MSRA: variants seen among roughly 807,000 people sequenced by gnomAD.
The protein encoded by MSRA is mitochondrial peptide methionine sulfoxide reductase.
Under a neutral mutation model 31.3 loss-of-function variants are expected in MSRA, and 54 were observed. The ratio of observed to expected loss-of-function variants is 1.73; its 90% CI spans 1.39 to 2.17. The LOEUF is 2.17. MSRA is among the 30% of genes most tolerant of loss of function. The pLI is 0.00. For synonymous variants in MSRA, 169 were observed against 116.5 expected, an observed-to-expected ratio of 1.45 and a Z score of -2.90; for missense variants, 507 against 300.9, an observed-to-expected ratio of 1.69 and a Z score of -5.07.
At chr8:10,077,511 C>CA (rs1186092641) in intron 1 of MSRA, among the ~76,000 whole-genome samples, 1 of 117,582 alleles carries the variant, frequency 8.5e-6, no homozygotes, top group African/African-American at 3.3e-5. Context: ...TTAAATGAGA[C>CA]AGAGTCTCAC....
chr8:10,330,093 G>C (rs576582530), intron 5 of MSRA, among the ~76,000 whole-genome samples: 1 of 145,976 alleles, frequency 6.9e-6, no homozygotes, highest in Non-Finnish European at 1.5e-5. Flanking sequence ...CACTCTCTTA[G>C]TCACTTACTC....
At chr8:10,351,956 T>A (rs1411474005) in intron 5 of MSRA, among the ~76,000 whole-genome samples, 1 of 152,246 alleles carries the variant, frequency 6.6e-6, no homozygotes, top group South Asian at 2.1e-4. Flanking sequence ...TGTGTGGTTG[T>A]TGACTGCGAT....
At chr8:10,404,031 A>G (rs1448009169) in intron 5 of MSRA, among the ~76,000 whole-genome samples, 2 of 152,232 alleles carry the variant, frequency 1.3e-5, no homozygotes, top group African/African-American at 2.4e-5. Flanking sequence ...AAGATTTCTC[A>G]TTATATGTCA....
chr8:10,117,410 C>G (rs1275875513), intron 1 of MSRA, among the ~76,000 whole-genome samples: 1 of 152,216 alleles, frequency 6.6e-6, no homozygotes, highest in East Asian at 1.9e-4. Context: ...ATCCAGCTCT[C>G]TGGTCAGCCG....
intron 1 of MSRA, among the ~76,000 whole-genome samples, chr8:10,139,123 G>A (rs1046050368): frequency 4.6e-5 from 7 of 152,160 alleles, no homozygotes; most frequent in African/African-American, 1.2e-4. Context: ...GGAAAATGCC[G>A]AAGAATACTG....
chr8:10,123,377 T>G (rs1801265717), intron 1 of MSRA, among the ~76,000 whole-genome samples: 1 of 152,222 alleles, frequency 6.6e-6, no homozygotes, highest in South Asian at 2.1e-4. Context: ...GGGGTTTTGT[T>G]TTTTCTTATA....
intron 1 of MSRA, among the ~76,000 whole-genome samples, chr8:10,112,367 A>G (rs1800352384): frequency 6.6e-6 from 1 of 152,254 alleles, no homozygotes. Flanking sequence ...TAAATGAGAT[A>G]TAGAAGGCTA....
chr8:10,395,491 G>GC (rs1807040103), intron 5 of MSRA, among the ~76,000 whole-genome samples: 1 of 152,254 alleles, frequency 6.6e-6, no homozygotes, highest in East Asian at 1.9e-4. Context: ...GAATGACATG[G>GC]CCACAGATGT....
chr8:10,101,271 C>A (rs1051454749), intron 1 of MSRA, among the ~76,000 whole-genome samples: 14 of 152,154 alleles, frequency 9.2e-5, no homozygotes, highest in Admixed American at 7.9e-4. Context: ...TAAGGAAATA[C>A]ATGCAGAGCT....
intron 1 of MSRA, among the ~76,000 whole-genome samples, chr8:10,080,225 T>G (rs563459548): frequency 1.3e-5 from 2 of 152,322 alleles, no homozygotes; most frequent in Admixed American, 1.3e-4. Context: ...CTCTGGCAAT[T>G]ATGAATCCAT....
chr8:10,407,123 C>G (rs755448083), intron 5 of MSRA, among the ~76,000 whole-genome samples: 1 of 152,194 alleles, frequency 6.6e-6, no homozygotes, highest in Non-Finnish European at 1.5e-5. Flanking sequence ...GTGATCTTCC[C>G]GCCTCGGCCT....
chr8:10,225,052 C>A (rs985223280), intron 2 of MSRA, among the ~76,000 whole-genome samples: 6 of 152,154 alleles, frequency 3.9e-5, no homozygotes, highest in Admixed American at 1.3e-4. Flanking sequence ...GGAGTAGAAT[C>A]GCTTGAACCC....
At chr8:10,283,836 T>TATATATATATATATATACACACAC (rs1261287031) in intron 3 of MSRA, among the ~76,000 whole-genome samples, 5 of 53,162 alleles carry the variant, frequency 9.4e-5, no homozygotes, top group Non-Finnish European at 1.3e-4. Flanking sequence ...TATATATATA[T>TATATATATATATATATACACACAC]ACACACACAC....
At chr8:10,218,774 C>A (rs751933401) in intron 2 of MSRA, among the ~76,000 whole-genome samples, 2 of 152,196 alleles carry the variant, frequency 1.3e-5, no homozygotes, top group Non-Finnish European at 2.9e-5. Flanking sequence ...TAGAAACTGC[C>A]TTAATTTGAC....
intron 1 of MSRA, among the ~76,000 whole-genome samples, chr8:10,116,329 A>G (rs955121748): frequency 2.0e-5 from 3 of 152,314 alleles, no homozygotes; most frequent in South Asian, 2.1e-4. Context: ...TCTTCTTCCA[A>G]TATGGCGCAG....
chr8:10,245,884 G>A (rs890648393), intron 3 of MSRA, among the ~76,000 whole-genome samples: 1 of 152,236 alleles, frequency 6.6e-6, no homozygotes, highest in African/African-American at 2.4e-5. Flanking sequence ...CAAGGATATA[G>A]GAGGTATCAA....
chr8:10,243,394 C>T (rs945296180), intron 2 of MSRA, among the ~76,000 whole-genome samples: 2 of 152,126 alleles, frequency 1.3e-5, no homozygotes, highest in Non-Finnish European at 2.9e-5. Context: ...CCCCTCATCC[C>T]AAGGAATGCA....
intron 2 of MSRA, among the ~76,000 whole-genome samples, chr8:10,219,906 G>A (rs535353443): frequency 6.6e-6 from 1 of 151,168 alleles, no homozygotes; most frequent in South Asian, 2.1e-4. Context: ...CCCCTGGTAG[G>A]CAATCAAAAT....
intron 1 of MSRA, among the ~76,000 whole-genome samples, chr8:10,206,350 C>T (rs534237212): frequency 7.3e-4 from 111 of 152,282 alleles, no homozygotes; most frequent in African/African-American, 2.3e-3. Flanking sequence ...TCTATAAGGC[C>T]ACTGAGCCCA....
Sources: allele counts gnomAD v4.1 joint callset (sites outside exome capture counted in the v4.1 genomes callset), GRCh38; gene constraint gnomAD v4.1.1; transcripts MANE v1.5; gene names NCBI Gene and HGNC (gene_info 2026-07-23, HGNC 2026-07-21).